Variants in RC3H2 observed in about 807,000 individuals in gnomAD.
RC3H2 encodes roquin-2.
Under a neutral mutation model 133.3 loss-of-function variants are expected in RC3H2, and 31 were observed. The observed-to-expected ratio is 0.23, with a 90% CI of 0.17 to 0.31. The LOEUF (loss-of-function observed/expected upper bound fraction) is 0.31. Ranked by LOEUF, RC3H2 falls within the 10% of genes least tolerant of loss-of-function variation. RC3H2 has a pLI of 1.00. For synonymous variants in RC3H2, 517 were observed against 502.2 expected (o/e 1.03, Z -0.40); for missense variants, 1,175 against 1,437.2 (o/e 0.82, Z 2.95).
intron 18 of RC3H2, among the ~76,000 whole-genome samples, chr9:122,852,096 G>T (rs1333936778): frequency 6.7e-6 from 1 of 150,098 alleles, no homozygotes; most frequent in African/African-American, 2.5e-5. Flanking sequence ...AGTGAGGAGC[G>T]TCTCTGCCCG....
In RC3H2 at chr9:122,855,256, C is replaced by A; in HGVS notation, c.2743G>T (p.Gly915Cys). 6.2e-7 allele frequency: 1 copy of A among 1,614,148 alleles called. No individual in the cohort carries two copies. Among genetic ancestry groups the A allele is most frequent in the South Asian group, 1.1e-5 (1 of 91,080 alleles). ...TGGACAGGATCTGTGGTATGGTAAC[C>A]TGTACGGGAAGATCTGGAAATCGCA... Reference protein sequence around the residue: ...WGAISRSSRTGYHTTDPVQAT... With the variant: ...WGAISRSSRTCYHTTDPVQAT... Residue 915 changes from glycine (G) to cysteine (C), a missense_variant, in exon 15 of 21, where the codon GGT becomes TGT. Physicochemically the swap from Gly to Cys is radical, Grantham distance 159 (BLOSUM62 -3). Transcript: ENST00000357244.
At chr9:122,873,469 T>C (rs1261021730) in intron 9 of RC3H2, among the ~76,000 whole-genome samples, 5 of 152,104 alleles carry the variant, frequency 3.3e-5, no homozygotes, top group Admixed American at 2.6e-4. Flanking sequence ...TCCTAGCACT[T>C]TGGGAGGCTG....
At chr9:122,853,820 A>G (rs909972791) in intron 18 of RC3H2, 132 bp downstream of exon 18, 40 of 1,537,614 alleles carry the variant, frequency 2.6e-5, no homozygotes, top group South Asian at 1.2e-4. Flanking sequence ...TATTTCTGTT[A>G]TAAGTTTTAA....
rs1177206522 is a variant in RC3H2 at position 122,845,218 on chromosome 9, T to G, written c.*4409A>C. The G allele has an allele frequency of 2.0e-5, 3 of 152,182 alleles. No homozygotes were observed. Among genetic ancestry groups the G allele is most frequent in the African/African-American group, 7.2e-5 (3 of 41,438 alleles). 9.4% of individuals were successfully genotyped at this position (152,182 alleles called of 1,614,324 possible). ...TAATCAATGCAACAAGAAAAACATTTCTCTTTCACTTCCAGGGAAAAGAAT... is the reference window on the plus strand; with the variant it reads ...TAATCAATGCAACAAGAAAAACATTGCTCTTTCACTTCCAGGGAAAAGAAT... On this transcript the variant is annotated 3_prime_UTR_variant, in exon 21 of 21. Transcript: ENST00000357244.
chr9:122,872,082 A>G (rs917664566), intron 9 of RC3H2, among the ~76,000 whole-genome samples: 4 of 152,104 alleles, frequency 2.6e-5, no homozygotes, highest in African/African-American at 9.7e-5. Flanking sequence ...CCGGCCCCCA[A>G]TTATTATTTG....
Position 122,849,121 on chromosome 9 carries a change from AAAAG to A in RC3H2, c.*502_*505del, listed in dbSNP as rs1240284283. ...TCCACTCTTCAAAATTAAAAAAAGA[AAAAG>A]AAATCCATGCAAAGTTCCATGAAAA... On this transcript the variant is annotated 3_prime_UTR_variant, in exon 21 of 21. Transcript: ENST00000357244. The A allele has an allele frequency of 6.6e-6, 1 of 152,210 alleles. No individual in the cohort carries two copies. The highest frequency in any genetic ancestry group is 1.5e-5 in the Non-Finnish European group (1 of 68,038). The allele number at this position is 152,210 out of a possible 1,614,324, so 9.4% of individuals were successfully genotyped here. A position where few individuals can be genotyped will look rare whatever the true frequency, so the allele number is the denominator to read the frequency against.
chr9:122,854,435 C>G (rs1830166494), intron 16 of RC3H2, 96 bp downstream of exon 16: 2 of 1,200,668 alleles, frequency 1.7e-6, no homozygotes, highest in Admixed American at 1.8e-5. Context: ...AGACAACAAG[C>G]AAAGCACATT....
intron 20 of RC3H2, among the ~76,000 whole-genome samples, chr9:122,850,052 A>G (rs894346989): frequency 1.0e-4 from 15 of 149,532 alleles, no homozygotes; most frequent in African/African-American, 2.2e-4. Flanking sequence ...TCTCGGCTCA[A>G]TGCAACCTCT....
rs538636371 is a variant in RC3H2, at chr9:122,896,778, CCTGGGAGGCTGA to C, written c.231+489_231+500del. On this transcript the variant is annotated intron_variant, in intron 2 of 20. Coordinates refer to ENST00000357244, the MANE Select transcript of RC3H2 (RefSeq NM_001100588.3). Reference sequence around the variant, plus strand: ...TGGCTCACACCTGTAGTCCTAGCACCCTGGGAGGCTGAGGTGGGCGGATCACCTGACGTCAGG... The same window carrying C: ...TGGCTCACACCTGTAGTCCTAGCACCGGTGGGCGGATCACCTGACGTCAGG... 5.6e-3 allele frequency among the ~76,000 whole-genome samples: 846 copies of C among 151,776 alleles called. 9 individuals carry two copies. The highest frequency in any genetic ancestry group is 7.5e-3 in the Non-Finnish European group (508 of 67,852).
In RC3H2 at chr9:122,851,316, C is replaced by T. The variant is rs371832955; in HGVS notation, c.3231+7G>A. 8 of 1,611,482 alleles carry T rather than the reference C, an allele frequency of 5.0e-6. No homozygotes were observed. Among genetic ancestry groups the T allele is most frequent in the African/African-American group, 2.7e-5 (2 of 74,884 alleles). On this transcript the variant is annotated splice_region_variant and intron_variant, in intron 19 of 20. Transcript: ENST00000357244. ...AAGCCTCTCAATTATCTAATTGTGG[C>T]ACTTACTTCAATTGGTTCACTTTGT...
Position 122,845,947 on chromosome 9 carries a change from A to G in RC3H2, c.*3680T>C, listed in dbSNP as rs1288928448. 6.6e-6 allele frequency: 1 copy of G among 152,216 alleles called. No homozygotes were observed. The highest frequency in any genetic ancestry group is 1.5e-5 in the Non-Finnish European group (1 of 68,014). The allele number at this position is 152,216 out of a possible 1,614,324, so 9.4% of individuals were successfully genotyped here. A position where few individuals can be genotyped will look rare whatever the true frequency, so the allele number is the denominator to read the frequency against. ...GACAGTCTGCTCCAAAAATGACTCA[A>G]AGAAGATAGGGAAGAAATACTCAGA... On this transcript the variant is annotated 3_prime_UTR_variant, in exon 21 of 21. Coordinates refer to ENST00000357244, the MANE Select transcript of RC3H2 (RefSeq NM_001100588.3).
At position 122,855,290 on chromosome 9, in the gene RC3H2, T is replaced by G; in HGVS notation, c.2709A>C (p.Ser903=). Residue 903 remains serine, a synonymous_variant, in exon 15 of 21, where the codon TCA becomes TCC. Transcript: ENST00000357244. ...AAGATCTGGAAATCGCACCCCATTT[T>G]GAGATGATGGGTCCATCACTAAAGG... The part of the protein sequence containing the change: ...IIPFSDGPII[S]KWGAISRSSR... The G allele has an allele frequency of 6.2e-7, 1 of 1,614,158 alleles. No individual in the cohort carries two copies. Among genetic ancestry groups the G allele is most frequent in the South Asian group, 1.1e-5 (1 of 91,086 alleles).
At chr9:122,880,527 T>G (rs949742236) in intron 6 of RC3H2, 67 bp downstream of exon 6, 35 of 1,243,058 alleles carry the variant, frequency 2.8e-5, no homozygotes, top group Non-Finnish European at 3.9e-5. Flanking sequence ...ATAGACTCTT[T>G]AGAATATTCT....
At chr9:122,902,488 G>A (rs1033957955) in intron 1 of RC3H2, among the ~76,000 whole-genome samples, 3 of 152,070 alleles carry the variant, frequency 2.0e-5, no homozygotes, top group African/African-American at 4.8e-5. Context: ...AGTAATATCC[G>A]ATAGAAATAT....
chr9:122,855,207 G>A lies in RC3H2; in HGVS notation c.2792C>T (p.Ala931Val), dbSNP rs370277433. The A allele has an allele frequency of 6.3e-5, 102 of 1,613,632 alleles. No individual in the cohort carries two copies. Among genetic ancestry groups the A allele is most frequent in the African/African-American group, 8.0e-5 (6 of 74,846 alleles). Residue 931 changes from alanine (A) to valine (V), a missense_variant, in exon 15 of 21, where the codon GCG becomes GTG. Transcript: ENST00000357244. ...PVQATASQGS[A>V]TKPISVSDYV... ...ACCTGATACACTGATGGGCTTAGTC[G>A]CACTTCCTTGGGAAGCAGTGGCCTG...
chr9:122,877,291 C>T (rs1831382597), intron 9 of RC3H2, among the ~76,000 whole-genome samples, 180 bp downstream of exon 9: 1 of 152,148 alleles, frequency 6.6e-6, no homozygotes, highest in South Asian at 2.1e-4. Flanking sequence ...GTCTCAAACT[C>T]CTGAGCACAA....
intron 1 of RC3H2, among the ~76,000 whole-genome samples, chr9:122,904,791 G>C (rs1832777246): frequency 6.6e-6 from 1 of 152,158 alleles, no homozygotes; most frequent in African/African-American, 2.4e-5. Flanking sequence ...TTACTAACTG[G>C]TGTAGAAAAG....
At position 122,858,080 on chromosome 9, in the gene RC3H2, T is replaced by G. The variant is rs758930995; in HGVS notation, c.2297A>C (p.His766Pro). Residue 766 changes from histidine (H) to proline (P), a missense_variant, in exon 13 of 21, where the codon CAT (histidine) becomes CCT (proline). This residue lies in a region of RC3H2 where 490 missense variants were observed against 492.8 expected (regional missense o/e 0.99). Transcript: ENST00000357244. ...CTGCTCCTCGCAACTGGTCTTCAAA[T>G]GACCACAAGGTTCCTAATGGGGGAT... ...TVPLPREPCG[H>P]LKTSCEEQIR... 1 of 1,614,146 alleles carries G rather than the reference T, an allele frequency of 6.2e-7. No homozygotes were observed. The highest frequency in any genetic ancestry group is 8.5e-7 in the Non-Finnish European group (1 of 1,180,000).
Position 122,897,526 on chromosome 9 carries a change from T to C in RC3H2, c.-17A>G. The stretch of plus-strand genomic sequence containing the variant: ...CACAGGCATTGTGGAAGCTGGATGC[T>C]CGGGTTAGCAGTCTAGCAGATCATT... On this transcript the variant is annotated 5_prime_UTR_variant, in exon 2 of 21. Coordinates refer to ENST00000357244, the MANE Select transcript of RC3H2 (RefSeq NM_001100588.3). 1 of 1,608,136 alleles carries C rather than the reference T, an allele frequency of 6.2e-7. No homozygotes were observed. Among genetic ancestry groups the C allele is most frequent in the South Asian group, 1.1e-5 (1 of 90,332 alleles).
Sources: allele counts gnomAD v4.1 joint callset (sites outside exome capture counted in the v4.1 genomes callset), GRCh38; gene constraint gnomAD v4.1.1; regional missense constraint gnomAD v4.1.1; transcripts MANE v1.5; gene names NCBI Gene and HGNC (gene_info 2026-07-23, HGNC 2026-07-21).